MDFIC2: variants seen among roughly 807,000 people sequenced by gnomAD.
MDFIC2 encodes the protein myoD family inhibitor domain-containing protein 2.
At chr3:70,249,165 C>A (rs560524975) in intron 2 of MDFIC2, 6 of 152,260 alleles carry the variant, frequency 3.9e-5, no homozygotes, top group Admixed American at 3.3e-4. Context: ...CCAAGTTCTA[C>A]ATTAGGAACA....
At chr3:70,266,485 A>G (rs1331185007) in intron 2 of MDFIC2, among the ~76,000 whole-genome samples, 1 of 152,064 alleles carries the variant, frequency 6.6e-6, no homozygotes, top group African/African-American at 2.4e-5. Flanking sequence ...TAGTGGCACA[A>G]TCATGGCTCA....
At chr3:70,285,758 T>C (rs1311411766) in intron 2 of MDFIC2, among the ~76,000 whole-genome samples, 1 of 151,992 alleles carries the variant, frequency 6.6e-6, no homozygotes, top group Non-Finnish European at 1.5e-5. Context: ...TTCTAACTGG[T>C]GTGAGATGGT....
chr3:70,269,709 T>C (rs1488642762), intron 2 of MDFIC2, among the ~76,000 whole-genome samples: 1 of 151,798 alleles, frequency 6.6e-6, no homozygotes, highest in African/African-American at 2.4e-5. Flanking sequence ...GGCAAAAAAC[T>C]AGGAATTAAT....
chr3:70,292,202 A>G (rs1702245305), intron 2 of MDFIC2, among the ~76,000 whole-genome samples: 1 of 152,214 alleles, frequency 6.6e-6, no homozygotes, highest in Admixed American at 6.5e-5. Context: ...TATGAATTGG[A>G]GATAATAATA....
intron 3 of MDFIC2, among the ~76,000 whole-genome samples, chr3:70,203,868 C>G (rs1202407642): frequency 2.0e-5 from 3 of 152,040 alleles, no homozygotes; most frequent in African/African-American, 7.2e-5. Context: ...GAGAAGCTTT[C>G]ACAATCAGAA....
intron 2 of MDFIC2, among the ~76,000 whole-genome samples, chr3:70,246,065 T>G (rs890230920): frequency 6.6e-6 from 1 of 151,908 alleles, no homozygotes; most frequent in Non-Finnish European, 1.5e-5. Flanking sequence ...AGTTCTTTTA[T>G]TCCCAAAAGA....
At chr3:70,275,676 T>C (rs902632745) in intron 2 of MDFIC2, among the ~76,000 whole-genome samples, 1 of 152,226 alleles carries the variant, frequency 6.6e-6, no homozygotes, top group African/African-American at 2.4e-5. Context: ...CATCTGTTCA[T>C]CAGCGATAAC....
At chr3:70,223,247 C>T (rs1035410933) in intron 2 of MDFIC2, among the ~76,000 whole-genome samples, 1 of 152,008 alleles carries the variant, frequency 6.6e-6, no homozygotes, top group African/African-American at 2.4e-5. Flanking sequence ...ACAAAGCAAT[C>T]GAAACTCAGA....
chr3:70,212,468 C>T (rs572229210), intron 2 of MDFIC2, among the ~76,000 whole-genome samples: 2 of 152,070 alleles, frequency 1.3e-5, no homozygotes, highest in East Asian at 3.9e-4. Context: ...TTTGACTGGC[C>T]CTGTCCCTCC....
chr3:70,291,758 C>G (rs1348821412), intron 2 of MDFIC2: 2 of 152,196 alleles, frequency 1.3e-5, no homozygotes, highest in African/African-American at 2.4e-5. Context: ...GATGATATGT[C>G]TTTTCCCCTC....
intron 2 of MDFIC2, among the ~76,000 whole-genome samples, chr3:70,307,640 G>C (rs7611050): frequency 0.39 from 59,916 of 151,834 alleles, 12,246 homozygotes; most frequent in South Asian, 0.56. Context: ...ATGTAGCTGT[G>C]TGTATTAGCC....
In MDFIC2 at chr3:70,285,377, G is replaced by A. The variant is rs576154085; in HGVS notation, c.88+26509C>T. ...CCAATTTCATCCATGTCCCTACAAA[G>A]GACATGAACTCATCAGTTTTTATGG... is the stretch of plus-strand genomic sequence containing the variant. On this transcript the variant is annotated intron_variant, in intron 2 of 3. Coordinates refer to ENST00000567252, the MANE Select transcript of MDFIC2 (RefSeq NM_001364677.1). Among the ~76,000 whole-genome samples, 3 of 152,086 alleles carry A rather than the reference G, an allele frequency of 2.0e-5. No individual in the cohort carries two copies. In the East Asian group the frequency reaches 5.8e-4, roughly 29 times the overall value.
intron 3 of MDFIC2, among the ~76,000 whole-genome samples, chr3:70,201,624 C>A (rs1701240324): frequency 6.6e-6 from 1 of 152,154 alleles, no homozygotes; most frequent in Non-Finnish European, 1.5e-5. Flanking sequence ...GAAACATAGG[C>A]TATTGCAGCA....
chr3:70,309,147 A>G (rs547552305), intron 2 of MDFIC2, among the ~76,000 whole-genome samples: 1 of 152,144 alleles, frequency 6.6e-6, no homozygotes, highest in South Asian at 2.1e-4. Context: ...CACTGTAATA[A>G]AATGGTTTAA....
At chr3:70,247,976 T>C (rs187481773) in intron 2 of MDFIC2, among the ~76,000 whole-genome samples, 1 of 152,220 alleles carries the variant, frequency 6.6e-6, no homozygotes, top group East Asian at 1.9e-4. Flanking sequence ...AATTTAATGC[T>C]ACAATGATCA....
At chr3:70,283,041 T>C (rs560172598) in intron 2 of MDFIC2, among the ~76,000 whole-genome samples, 222 of 152,292 alleles carry the variant, frequency 1.5e-3, no homozygotes, top group Admixed American at 3.0e-3. Flanking sequence ...TCACAAGACG[T>C]TGAGGCTAGT....
Position 70,286,861 on chromosome 3 carries a change from C to G in MDFIC2, c.88+25025G>C, listed in dbSNP as rs142435739. 2.2e-4 allele frequency among the ~76,000 whole-genome samples: 33 copies of G among 152,082 alleles called. No individual in the cohort carries two copies. The East Asian group carries it at 6.2e-3, about 29-fold the overall frequency. ...TCTCATGATTTGGCTCTCTGTTTGT[C>G]TGTTGTTGGTGTATAAGAATGCTTG... is the stretch of plus-strand genomic sequence containing the variant. On this transcript the variant is annotated intron_variant, in intron 2 of 3. Transcript: ENST00000567252.
chr3:70,295,059 T>G (rs1702276438), intron 2 of MDFIC2, among the ~76,000 whole-genome samples: 1 of 152,166 alleles, frequency 6.6e-6, no homozygotes, highest in African/African-American at 2.4e-5. Flanking sequence ...AATGATCTGT[T>G]GCCTAAAATT....
chr3:70,306,205 G>A (rs1702398710), intron 2 of MDFIC2, among the ~76,000 whole-genome samples: 1 of 152,160 alleles, frequency 6.6e-6, no homozygotes, highest in Non-Finnish European at 1.5e-5. Flanking sequence ...CTAGTTTCAA[G>A]TGATTCTCCT....
Sources: allele counts gnomAD v4.1 joint callset (sites outside exome capture counted in the v4.1 genomes callset), GRCh38; gene constraint gnomAD v4.1.1; transcripts MANE v1.5; gene names NCBI Gene and HGNC (gene_info 2026-07-23, HGNC 2026-07-21).